The following FSHR variants were observed in gnomAD, a reference collection of about 807,000 sequenced individuals.
FSHR encodes follicle stimulating hormone receptor.
Under a neutral mutation model 52.1 loss-of-function variants are expected in FSHR, and 46 were observed. The ratio of observed to expected loss-of-function variants is 0.88; its 90% CI spans 0.70 to 1.13. The LOEUF (loss-of-function observed/expected upper bound fraction) is 1.13. Ranked by LOEUF, FSHR falls within the 50% of genes most tolerant of loss-of-function variation. The probability of loss-of-function intolerance (pLI) is 0.00; values close to 1 mark genes in which losing one functional copy is unlikely to be tolerated. For missense variants in FSHR, 964 were observed against 834.6 expected, an observed-to-expected ratio of 1.16 and a Z score of -1.91; for synonymous variants, 399 against 309.6, an observed-to-expected ratio of 1.29 and a Z score of -3.03.
At chr2:49,034,690 A>G (rs571139350) in intron 2 of FSHR, among the ~76,000 whole-genome samples, 49 of 152,310 alleles carry the variant, frequency 3.2e-4, no homozygotes, top group African/African-American at 1.2e-3. Context: ...TGGTGTTATT[A>G]CAGTTTTCTT....
intron 6 of FSHR, among the ~76,000 whole-genome samples, chr2:48,987,323 C>G (rs1675556343): frequency 6.6e-6 from 1 of 152,026 alleles, no homozygotes; most frequent in Admixed American, 6.5e-5. Context: ...CCTGCCTCAC[C>G]CTCCTGAGTA....
At chr2:49,021,831 T>TTTTCTCTC (rs760578631) in intron 2 of FSHR, among the ~76,000 whole-genome samples, 70 of 46,420 alleles carry the variant, frequency 1.5e-3, no homozygotes, top group Non-Finnish European at 1.9e-3. Context: ...GGGTATGTGT[T>TTTTCTCTC]TCTCTCTCTC....
intron 1 of FSHR, among the ~76,000 whole-genome samples, chr2:49,151,738 G>C (rs1673071144): frequency 6.6e-6 from 1 of 152,094 alleles, no homozygotes; most frequent in South Asian, 2.1e-4. Flanking sequence ...AAACTTGGAA[G>C]ATTGTAAGGT....
chr2:49,064,533 C>G (rs12995133), intron 2 of FSHR, among the ~76,000 whole-genome samples: 29,724 of 151,964 alleles, frequency 0.2, 3,629 homozygotes, highest in South Asian at 0.32. Flanking sequence ...TTTGGAGTTT[C>G]AAGTCTCCAT....
intron 1 of FSHR, among the ~76,000 whole-genome samples, chr2:49,142,910 G>C (rs1018616387): frequency 1.3e-5 from 2 of 152,152 alleles, no homozygotes; most frequent in African/African-American, 4.8e-5. Context: ...TGGGAGAAGA[G>C]ATTCTGTGGG....
intron 1 of FSHR, among the ~76,000 whole-genome samples, chr2:49,148,101 G>T (rs1410285437): frequency 6.6e-6 from 1 of 151,942 alleles, no homozygotes; most frequent in African/African-American, 2.4e-5. Context: ...CTTCTGTCTG[G>T]TTTAAAGTGA....
intron 2 of FSHR, among the ~76,000 whole-genome samples, chr2:49,048,943 T>C (rs1350241376): frequency 6.6e-6 from 1 of 152,128 alleles, no homozygotes; most frequent in Non-Finnish European, 1.5e-5. Context: ...TATTAAGTCA[T>C]ACACAGCCCA....
At chr2:48,988,043 C>T (rs969905011) in intron 6 of FSHR, among the ~76,000 whole-genome samples, 5 of 152,228 alleles carry the variant, frequency 3.3e-5, no homozygotes, top group African/African-American at 1.2e-4. Flanking sequence ...CCATTGTTAT[C>T]TGTGATTAAT....
At chr2:49,095,745 A>G (rs531977198) in intron 1 of FSHR, among the ~76,000 whole-genome samples, 2 of 152,196 alleles carry the variant, frequency 1.3e-5, no homozygotes, top group South Asian at 2.1e-4. Context: ...TATCAAGAAT[A>G]TATGAAGAAC....
chr2:49,055,881 A>G (rs1287672550), intron 2 of FSHR, among the ~76,000 whole-genome samples: 1 of 152,140 alleles, frequency 6.6e-6, no homozygotes, highest in African/African-American at 2.4e-5. Context: ...GATCACAACT[A>G]GACCTGCCAA....
intron 4 of FSHR, among the ~76,000 whole-genome samples, chr2:49,005,824 T>C (rs917137725): frequency 2.0e-5 from 3 of 152,116 alleles, no homozygotes; most frequent in Non-Finnish European, 4.4e-5. Flanking sequence ...CTTGAATGGA[T>C]TGAAGGATGC....
At chr2:49,037,291 TATAAC>T (rs1668302602) in intron 2 of FSHR, among the ~76,000 whole-genome samples, 1 of 152,206 alleles carries the variant, frequency 6.6e-6, no homozygotes, top group Non-Finnish European at 1.5e-5. Context: ...ATTTAAATGT[TATAAC>T]AGAACTGGAG....
chr2:49,146,894 G>T (rs1476486382), intron 1 of FSHR, among the ~76,000 whole-genome samples: 1 of 151,920 alleles, frequency 6.6e-6, no homozygotes, highest in African/African-American at 2.4e-5. Context: ...ACAAAAATGG[G>T]CTCAGCTGTG....
chr2:49,099,825 G>T (rs1367883543), intron 1 of FSHR, among the ~76,000 whole-genome samples: 1 of 152,132 alleles, frequency 6.6e-6, no homozygotes, highest in Non-Finnish European at 1.5e-5. Context: ...AGGAATCTAT[G>T]CTAACCCTAA....
At chr2:49,119,571 C>T (rs1029611757) in intron 1 of FSHR, among the ~76,000 whole-genome samples, 1 of 152,002 alleles carries the variant, frequency 6.6e-6, no homozygotes, top group Admixed American at 6.6e-5. Context: ...GTTTGTTTCG[C>T]TTTCTTTGAC....
At chr2:48,987,870 A>ACACACC (rs1491035556) in intron 6 of FSHR, among the ~76,000 whole-genome samples, 1 of 129,440 alleles carries the variant, frequency 7.7e-6, no homozygotes, top group Non-Finnish European at 1.7e-5. Flanking sequence ...ACACACACAC[A>ACACACC]CCCCTTCACT....
intron 8 of FSHR, among the ~76,000 whole-genome samples, chr2:48,969,569 C>A (rs1674639972): frequency 6.6e-6 from 1 of 152,284 alleles, no homozygotes; most frequent in African/African-American, 2.4e-5. Context: ...CTATGTGTAC[C>A]TCAGAGGGTT....
At chr2:48,983,047 T>A (rs1675324221) in intron 7 of FSHR, 51 bp downstream of exon 7, 1 of 1,609,192 alleles carries the variant, frequency 6.2e-7, no homozygotes, top group Non-Finnish European at 8.5e-7. Flanking sequence ...ATTGCTGTTG[T>A]AAGAGCCATT....
chr2:49,018,302 A>G (rs1667567711), intron 3 of FSHR, among the ~76,000 whole-genome samples: 1 of 152,152 alleles, frequency 6.6e-6, no homozygotes, highest in African/African-American at 2.4e-5. Context: ...GCATGTTCAC[A>G]TTTGGATTCC....
Sources: allele counts gnomAD v4.1 joint callset (sites outside exome capture counted in the v4.1 genomes callset), GRCh38; gene constraint gnomAD v4.1.1; transcripts MANE v1.5; gene names NCBI Gene and HGNC (gene_info 2026-07-23, HGNC 2026-07-21).